The following CNTNAP5 variants were observed in gnomAD, a reference collection of about 807,000 sequenced individuals.
CNTNAP5 encodes contactin associated protein family member 5.
A neutral mutation model predicts 150.2 loss-of-function variants in CNTNAP5; 72 were observed. The observed-to-expected ratio is 0.48, with a 90% CI of 0.40 to 0.58. The LOEUF is 0.58. CNTNAP5 is among the 20% of genes least tolerant of loss of function. CNTNAP5 has a pLI of 0.00. For missense variants in CNTNAP5, 1,636 were observed against 1,626.2 expected, an observed-to-expected ratio of 1.01 and a Z score of -0.10; for synonymous variants, 672 against 619.8, an observed-to-expected ratio of 1.08 and a Z score of -1.25.
intron 1 of CNTNAP5, among the ~76,000 whole-genome samples, chr2:124,066,144 T>C (rs1682146047): frequency 6.6e-6 from 1 of 151,906 alleles, no homozygotes; most frequent in South Asian, 2.1e-4. Flanking sequence ...GGGTGTGGGG[T>C]AAGAAAGTAG....
intron 1 of CNTNAP5, among the ~76,000 whole-genome samples, chr2:124,121,276 G>C (rs1683554393): frequency 6.6e-6 from 1 of 152,010 alleles, no homozygotes; most frequent in Admixed American, 6.6e-5. Flanking sequence ...CAATTTATTA[G>C]GTACAGACTG....
intron 3 of CNTNAP5, among the ~76,000 whole-genome samples, chr2:124,374,415 G>A (rs1201515699): frequency 6.6e-6 from 1 of 152,072 alleles, no homozygotes; most frequent in African/African-American, 2.4e-5. Context: ...TGCTCTAAAT[G>A]AGTTCACATT....
At chr2:124,214,896 G>A (rs956574378) in intron 1 of CNTNAP5, among the ~76,000 whole-genome samples, 68 of 152,160 alleles carry the variant, frequency 4.5e-4, no homozygotes, top group African/African-American at 1.6e-3. Context: ...GAGAAGACTC[G>A]GCCTTCCTTT....
chr2:124,690,988 G>A (rs575538378), intron 13 of CNTNAP5, among the ~76,000 whole-genome samples: 1 of 152,178 alleles, frequency 6.6e-6, no homozygotes, highest in East Asian at 1.9e-4. Flanking sequence ...AAATTTACTT[G>A]ATCATACTTT....
At chr2:124,729,955 G>A (rs1304418859) in intron 13 of CNTNAP5, among the ~76,000 whole-genome samples, 3 of 152,098 alleles carry the variant, frequency 2.0e-5, no homozygotes, top group South Asian at 4.2e-4. Context: ...TGACTTGTTC[G>A]TATTGACTGA....
chr2:124,220,175 C>T (rs758126042), intron 1 of CNTNAP5, among the ~76,000 whole-genome samples: 1 of 151,816 alleles, frequency 6.6e-6, no homozygotes, highest in Non-Finnish European at 1.5e-5. Context: ...ACCAATTCTT[C>T]CTGAGAGCCT....
intron 1 of CNTNAP5, among the ~76,000 whole-genome samples, chr2:124,171,917 G>T (rs1684942936): frequency 6.6e-6 from 1 of 152,166 alleles, no homozygotes; most frequent in Admixed American, 6.5e-5. Context: ...ATTTGTCCTT[G>T]TGTACTCAAA....
intron 14 of CNTNAP5, among the ~76,000 whole-genome samples, chr2:124,759,361 C>CATTATATATATTTATTATATATATATAA (rs1254342330): frequency 6.9e-6 from 1 of 145,240 alleles, no homozygotes; most frequent in East Asian, 2.0e-4. Flanking sequence ...TATATATATT[C>CATTATATATATTTATTATATATATATAA]ATTATATATA....
intron 1 of CNTNAP5, among the ~76,000 whole-genome samples, chr2:124,044,410 A>G (rs1008012598): frequency 6.6e-6 from 1 of 152,250 alleles, no homozygotes; most frequent in East Asian, 1.9e-4. Flanking sequence ...CAACCCAGGT[A>G]GGATGTGAGC....
At chr2:124,833,866 T>C (rs1473279492) in intron 19 of CNTNAP5, among the ~76,000 whole-genome samples, 2 of 151,902 alleles carry the variant, frequency 1.3e-5, no homozygotes, top group Non-Finnish European at 2.9e-5. Flanking sequence ...AGGTAAGAGA[T>C]GTGGTGGGGG....
At chr2:124,082,090 C>G (rs544992384) in intron 1 of CNTNAP5, among the ~76,000 whole-genome samples, 1 of 152,162 alleles carries the variant, frequency 6.6e-6, no homozygotes, top group East Asian at 1.9e-4. Flanking sequence ...TGGCTCATGC[C>G]TATAATCCCA....
chr2:124,602,575 G>T (rs6715438), intron 11 of CNTNAP5, among the ~76,000 whole-genome samples: 1 of 151,582 alleles, frequency 6.6e-6, no homozygotes, highest in African/African-American at 2.4e-5. Flanking sequence ...CTCACTGCAG[G>T]CTCAAACTCT....
intron 11 of CNTNAP5, among the ~76,000 whole-genome samples, chr2:124,599,391 C>T (rs775190809): frequency 6.6e-6 from 1 of 151,940 alleles, no homozygotes; most frequent in Non-Finnish European, 1.5e-5. Context: ...TATTGAACCT[C>T]TCTTGATTTT....
intron 20 of CNTNAP5, among the ~76,000 whole-genome samples, chr2:124,868,226 C>G (rs1415571059): frequency 6.6e-6 from 1 of 152,116 alleles, no homozygotes. Flanking sequence ...TTGTCCAAAC[C>G]CTGTCAATGA....
chr2:124,718,535 C>T (rs80232660), intron 13 of CNTNAP5, among the ~76,000 whole-genome samples: 6,989 of 152,222 alleles, frequency 0.046, 212 homozygotes, highest in South Asian at 0.096. Context: ...GGAAAACAAT[C>T]AAATAAACCC....
intron 13 of CNTNAP5, among the ~76,000 whole-genome samples, chr2:124,743,750 A>T (rs1255807032): frequency 6.6e-6 from 1 of 152,210 alleles, no homozygotes. Flanking sequence ...GAACCTGATC[A>T]ATTAAGTTCT....
intron 8 of CNTNAP5, among the ~76,000 whole-genome samples, chr2:124,506,813 C>T (rs1267358780): frequency 6.6e-6 from 1 of 152,140 alleles, no homozygotes; most frequent in Non-Finnish European, 1.5e-5. Context: ...GGCTCAGAGT[C>T]TCCCATAAGG....
chr2:124,155,058 A>G (rs1232541698), intron 1 of CNTNAP5, among the ~76,000 whole-genome samples: 2 of 146,900 alleles, frequency 1.4e-5, no homozygotes, highest in Non-Finnish European at 3.0e-5. Context: ...TGCTATTCTC[A>G]GAAGCAAACC....
chr2:124,563,297 G>A lies in CNTNAP5; in HGVS notation c.1730G>A (p.Ser577Asn), dbSNP rs1573461188. The A allele has an allele frequency of 1.3e-6, 2 of 1,566,956 alleles. No homozygotes were observed. Among genetic ancestry groups the A allele is most frequent in the African/African-American group, 1.4e-5 (1 of 74,038 alleles). ...TTCTATTGTAACTGCAGTGACACAA[G>A]TTACACTGGTGCCACCTGCCACAAC... ...TTFYCNCSDT[S>N]YTGATCHNSI... is the part of the protein sequence containing the mutation. Residue 577 changes from serine (S) to asparagine (N), a missense_variant, in exon 11 of 24, where the codon AGT (serine) becomes AAT (asparagine). Ser to Asn is a conservative substitution (Grantham distance 46). Coordinates refer to ENST00000682447, the MANE Select transcript of CNTNAP5 (RefSeq NM_001367498.1).
Sources: gnomAD v4.1 joint callset for allele counts (sites outside exome capture counted in the v4.1 genomes callset) on GRCh38, gnomAD v4.1.1 for gene constraint, MANE v1.5 for transcripts, NCBI Gene and HGNC (gene_info 2026-07-23, HGNC 2026-07-21) for gene names.